ETNK2: variants seen among roughly 807,000 people sequenced by gnomAD.
ETNK2 encodes ethanolamine kinase-like protein.
In ETNK2, 33 loss-of-function variants were observed where a neutral mutation model predicts 46.2. The observed-to-expected ratio is 0.71, with a 90% CI of 0.54 to 0.96. The LOEUF (loss-of-function observed/expected upper bound fraction) is 0.96, where lower values mean the gene tolerates loss of function less well. Ranked by LOEUF, ETNK2 falls within the 40% of genes least tolerant of loss-of-function variation. ETNK2 has a pLI of 0.00. For synonymous variants in ETNK2, 194 were observed against 209.0 expected, an observed-to-expected ratio of 0.93 and a Z score of 0.62; for missense variants, 445 against 509.7, an observed-to-expected ratio of 0.87 and a Z score of 1.22.
intron 4 of ETNK2, chr1:204,140,939 C>T: frequency 2.9e-6 from 1 of 348,700 alleles, no homozygotes; most frequent in Non-Finnish European, 5.6e-6. Context: ...TCTCCTGCCT[C>T]AGCCTCCCGA....
rs1228825671 is a variant in ETNK2, at chr1:204,152,020, G to A, written c.-168C>T. The A allele has an allele frequency of 3.3e-5, 22 of 656,732 alleles. No individual in the cohort carries two copies. Among genetic ancestry groups the A allele is most frequent in the Non-Finnish European group, 3.0e-5 (14 of 464,566 alleles). 40.7% of individuals were successfully genotyped at this position (656,732 alleles called of 1,614,324 possible). A position where few individuals can be genotyped will look rare whatever the true frequency, so the allele number is the denominator to read the frequency against. On this transcript the variant is annotated 5_prime_UTR_variant, in exon 1 of 8. Coordinates refer to ENST00000367202, the MANE Select transcript of ETNK2 (RefSeq NM_018208.4). This position sits in a 1 kb window ranked among gnomAD's most constrained non-coding sequence, Gnocchi z 4.2. ...GGCCCGCCGCCCACCGCCGACCCCG[G>A]AGCGCCGCGGCCCGCCGCGATTGTG... is the stretch of plus-strand genomic sequence containing the variant.
chr1:204,146,592 G>A (rs765571683), intron 3 of ETNK2, 50 bp downstream of exon 3: 18 of 1,609,416 alleles, frequency 1.1e-5, no homozygotes, highest in Non-Finnish European at 1.4e-5. Flanking sequence ...AAAAGGATGG[G>A]GAAGGGAGAT....
intron 4 of ETNK2, chr1:204,140,977 A>G (rs1657500047): frequency 5.3e-6 from 2 of 374,084 alleles, no homozygotes; most frequent in Non-Finnish European, 1.0e-5. Flanking sequence ...ATGTACCACC[A>G]TACCAGGAAA....
At chr1:204,137,048 A>G in intron 6 of ETNK2, 56 bp downstream of exon 6, 3 of 1,595,426 alleles carry the variant, frequency 1.9e-6, no homozygotes, top group Non-Finnish European at 2.6e-6. Flanking sequence ...GTGGGTCACC[A>G]GTCCCTCCTG....
Position 204,132,264 on chromosome 1 carries a change from G to A in ETNK2, c.1089-8C>T, listed in dbSNP as rs1430319402. On this transcript the variant is annotated splice_region_variant and splice_polypyrimidine_tract_variant and intron_variant, in intron 7 of 7. Coordinates refer to ENST00000367202, the MANE Select transcript of ETNK2 (RefSeq NM_018208.4). ...AATCGGATCACTGCGTACCTGTGGG[G>A]AAGACAGAAGGAAGCTGGGTGTGAG... The A allele has an allele frequency of 2.6e-6, 4 of 1,564,320 alleles. No individual in the cohort carries two copies. The highest frequency in any genetic ancestry group is 3.5e-6 in the Non-Finnish European group (4 of 1,153,860).
chr1:204,132,298 C>T (rs1040334027), intron 7 of ETNK2, 42 bp from the exon 8 acceptor site: 7 of 1,495,758 alleles, frequency 4.7e-6, no homozygotes, highest in South Asian at 2.4e-5. Context: ...AGGAAGAAAG[C>T]CAGGTGGGCC....
chr1:204,150,021 C>G (rs1414707143), intron 1 of ETNK2, 59 bp from the exon 2 acceptor site: 1 of 1,498,800 alleles, frequency 6.7e-7, no homozygotes, highest in East Asian at 2.5e-5. Flanking sequence ...TCTCTGGTCT[C>G]TCTCCTGGGC....
At chr1:204,138,833 A>G (rs1657386953) in intron 5 of ETNK2, 3 of 152,138 alleles carry the variant, frequency 2.0e-5, no homozygotes, top group Non-Finnish European at 4.4e-5. Context: ...CTCAAGCTGG[A>G]AAAACCTGCC....
intron 3 of ETNK2, among the ~76,000 whole-genome samples, chr1:204,144,349 A>AAAAAAAAAAAAAAAAAAC: frequency 6.9e-6 from 1 of 145,872 alleles, no homozygotes; most frequent in Non-Finnish European, 1.5e-5. Context: ...CCATCTCAAA[A>AAAAAAAAAAAAAAAAAAC]AAAAAAAAAA....
chr1:204,148,236 G>A (rs1188793911), intron 2 of ETNK2, among the ~76,000 whole-genome samples: 2 of 150,876 alleles, frequency 1.3e-5, no homozygotes, highest in Non-Finnish European at 3.0e-5. Flanking sequence ...TCCCAATTTC[G>A]GGCTCTCCCC....
rs558187494 is a variant in ETNK2, at chr1:204,139,350, C to T, written c.868+685G>A. Among the ~76,000 whole-genome samples the T allele has an allele frequency of 2.6e-5, 4 of 152,268 alleles. No individual in the cohort carries two copies. The East Asian group carries it at 7.7e-4, about 29-fold the overall frequency. On this transcript the variant is annotated intron_variant, in intron 5 of 7. Transcript: ENST00000367202. ...TGAAGTCATCCTGTGCTGTGCTAGC[C>T]AAGCTGCAGCAATCGTCTAAGCTGG...
At chr1:204,146,615 GC>G in intron 3 of ETNK2, 26 bp downstream of exon 3, 1 of 1,613,592 alleles carries the variant, frequency 6.2e-7, no homozygotes, top group Non-Finnish European at 8.5e-7. Context: ...TATTAAGGCA[GC>G]CTTGGACCCT....
rs1243530084 is a variant in ETNK2, at chr1:204,151,612, C to G, written c.241G>C (p.Glu81Gln). 2 of 1,548,540 alleles carry G rather than the reference C, an allele frequency of 1.3e-6. No homozygotes were observed. The highest frequency in any genetic ancestry group is 2.5e-5 in the East Asian group (1 of 40,604). ...TCCGCTACCTTGGTCCGAACTTGCT[C>G]GGGTTTCCAATGCGGCCGCAGCTCC... ...IQELRPHWKPEQVRTKRFTDG... is the reference protein window; with the variant it reads ...IQELRPHWKPQQVRTKRFTDG... The change falls in exon 1 of 8, where the codon GAG becomes CAG. Residue 81 changes from glutamate (E) to glutamine (Q), a missense_variant. Physicochemically the swap from Glu to Gln is conservative, Grantham distance 29. Coordinates refer to ENST00000367202, the MANE Select transcript of ETNK2 (RefSeq NM_018208.4). This position sits in a 1 kb window ranked among gnomAD's most constrained non-coding sequence, Gnocchi z 8.0.
chr1:204,140,512 T>G (rs1011462440), intron 4 of ETNK2, among the ~76,000 whole-genome samples: 1 of 150,844 alleles, frequency 6.6e-6, no homozygotes, highest in Non-Finnish European at 1.5e-5. Flanking sequence ...GCACAGATTT[T>G]TGTTTGTTTG....
At chr1:204,148,329 A>G (rs1410384126) in intron 2 of ETNK2, among the ~76,000 whole-genome samples, 1 of 152,160 alleles carries the variant, frequency 6.6e-6, no homozygotes, top group African/African-American at 2.4e-5. Flanking sequence ...TGACAGGATG[A>G]GTGACAGCAT....
rs1558237387 is a variant in ETNK2, at chr1:204,146,653, C to G, written c.630G>C (p.Glu210Asp). ...CCAGATCTTTGTACCTGGGGTTGAT[C>G]TCGTTCTTCACAAGCGTGAAATAAT... ...MHNYFTLVKN[E>D]INPSLSADVP... The change falls in exon 3 of 8, where the codon GAG (glutamate) becomes GAC (aspartate). Residue 210 changes from glutamate to aspartate, a missense_variant. Glu to Asp is a conservative substitution (Grantham distance 45). Transcript: ENST00000367202. The G allele has an allele frequency of 6.2e-7, 1 of 1,614,032 alleles. No homozygotes were observed. The highest frequency in any genetic ancestry group is 2.2e-5 in the East Asian group (1 of 44,878).
chr1:204,143,173 G>A lies in ETNK2; in HGVS notation c.642-1716C>T, dbSNP rs115625983. On this transcript the variant is annotated intron_variant, in intron 3 of 7. Coordinates refer to ENST00000367202, the MANE Select transcript of ETNK2 (RefSeq NM_018208.4). ...AGTTTATCTGTGCCGACAGGTCTGCGTAAGATGTGTTTCAGTCCTGGCTCT... is the reference window on the plus strand; with the variant it reads ...AGTTTATCTGTGCCGACAGGTCTGCATAAGATGTGTTTCAGTCCTGGCTCT... Among the ~76,000 whole-genome samples, 939 of 152,026 alleles carry A rather than the reference G, an allele frequency of 6.2e-3. 6 individuals are homozygous for A. The highest frequency in any genetic ancestry group is 0.018 in the African/African-American group (765 of 41,464).
Position 204,151,490 on chromosome 1 carries a change from C to T in ETNK2, c.258+105G>A. On this transcript the variant is annotated intron_variant, in intron 1 of 7. Coordinates refer to ENST00000367202, the MANE Select transcript of ETNK2 (RefSeq NM_018208.4). The surrounding 1 kb of genome is among the most constrained non-coding windows in gnomAD (Gnocchi z 8.0). Reference sequence around the variant, plus strand: ...CCAAACCTTTCTTGCGCAGCAGCCGCGCACCCCTGGGACTGACACCCGGAA... The same window carrying T: ...CCAAACCTTTCTTGCGCAGCAGCCGTGCACCCCTGGGACTGACACCCGGAA... 6.9e-7 allele frequency: 1 copy of T among 1,452,896 alleles called. No individual in the cohort carries two copies. The highest frequency in any genetic ancestry group is 9.2e-7 in the Non-Finnish European group (1 of 1,081,522). 90.0% of individuals were successfully genotyped at this position (1,452,896 alleles called of 1,614,324 possible). A position where few individuals can be genotyped will look rare whatever the true frequency, so the allele number is the denominator to read the frequency against.
chr1:204,142,876 C>A (rs1657613489), intron 3 of ETNK2: 1 of 152,192 alleles, frequency 6.6e-6, no homozygotes, highest in Non-Finnish European at 1.5e-5. Context: ...TCTAGTCCAG[C>A]CCCATTGGGA....
Sources: allele counts gnomAD v4.1 joint callset (sites outside exome capture counted in the v4.1 genomes callset), GRCh38; gene constraint gnomAD v4.1.1; non-coding constraint Gnocchi (gnomAD v3.1); transcripts MANE v1.5; gene names NCBI Gene and HGNC (gene_info 2026-07-23, HGNC 2026-07-21).